SLC5A2: variants seen among roughly 807,000 people sequenced by gnomAD.
SLC5A2 encodes solute carrier family 5 member 2.
In SLC5A2, 67 loss-of-function variants were observed where a neutral mutation model predicts 69.0. That is an observed-to-expected ratio of 0.97 (90% CI 0.80 to 1.19). SLC5A2 has a LOEUF of 1.19. Among genes scored for constraint, SLC5A2 ranks in the 50% most tolerant of loss-of-function variants. The pLI is 0.00. For synonymous variants in SLC5A2, 455 were observed against 395.8 expected (o/e 1.15, Z -1.78); for missense variants, 1,001 against 921.5 (o/e 1.09, Z -1.12).
intron 12 of SLC5A2, chr16:31,489,718 A>G: frequency 2.2e-6 from 1 of 448,620 alleles, no homozygotes; most frequent in Non-Finnish European, 4.1e-6. Context: ...GGGTGAGGAC[A>G]GGACAAGAGA....
At position 31,488,368 on chromosome 16, in the gene SLC5A2, G is replaced by C; in HGVS notation, c.1022-15G>C. On this transcript the variant is annotated splice_polypyrimidine_tract_variant and intron_variant, in intron 8 of 13. Coordinates refer to ENST00000330498, the MANE Select transcript of SLC5A2 (RefSeq NM_003041.4). The stretch of plus-strand genomic sequence containing the variant: ...CAGGCCCCGTCCTAACGGCGCGGTG[G>C]CCTCTCTCTGGCAGACGAGGTGGCG... 1.9e-6 allele frequency: 3 copies of C among 1,610,310 alleles called. No individual in the cohort carries two copies. Among genetic ancestry groups the C allele is most frequent in the Non-Finnish European group, 2.5e-6 (3 of 1,179,550 alleles).
Position 31,489,125 on chromosome 16 carries a change from C to A in SLC5A2, c.1452C>A (p.Gly484=). 6.2e-7 allele frequency: 1 copy of A among 1,608,046 alleles called. No individual in the cohort carries two copies. Residue 484 remains glycine, a splice_region_variant and synonymous_variant, in exon 12 of 14, where the codon GGC becomes GGA. Transcript: ENST00000330498. ...ALFVPRVNEQ[G]AFWGLIGGLL... The stretch of plus-strand genomic sequence containing the variant: ...AGGCTGACCTGTTTCCTTCGCAGGG[C>A]GCCTTCTGGGGACTCATCGGGGGCC...
rs1275551125 is a variant in SLC5A2 at position 31,490,595 on chromosome 16, G to A, written c.*60G>A. The A allele has an allele frequency of 2.1e-6, 3 of 1,410,198 alleles. No individual in the cohort carries two copies. Among genetic ancestry groups the A allele is most frequent in the Non-Finnish European group, 3.0e-6 (3 of 1,012,106 alleles). The allele number at this position is 1,410,198 out of a possible 1,614,324, so 87.4% of individuals were successfully genotyped here. On this transcript the variant is annotated 3_prime_UTR_variant, in exon 14 of 14. Coordinates refer to ENST00000330498, the MANE Select transcript of SLC5A2 (RefSeq NM_003041.4). ...CACAGGAAGTGGGGGTGAGGAGCCTGCGGTGCTCCCCAGAAAAGGGGAAGG... is the reference window on the plus strand; with the variant it reads ...CACAGGAAGTGGGGGTGAGGAGCCTACGGTGCTCCCCAGAAAAGGGGAAGG...
chr16:31,487,673 C>T lies in SLC5A2; in HGVS notation c.799C>T (p.Arg267Trp). ...CCGGCCCGACTCCTACCACCTGCTC[C>T]GGCACCCCGTGACCGGGGATCTGCC... The part of the protein sequence containing the change: ...RPRPDSYHLL[R>W]HPVTGDLPWP... Residue 267 changes from arginine to tryptophan, a missense_variant, in exon 7 of 14, where the codon CGG (arginine) becomes TGG (tryptophan). Physicochemically the swap from Arg to Trp is moderately radical, Grantham distance 101. Coordinates refer to ENST00000330498, the MANE Select transcript of SLC5A2 (RefSeq NM_003041.4). 6.2e-7 allele frequency: 1 copy of T among 1,613,700 alleles called. No individual in the cohort carries two copies. The highest frequency in any genetic ancestry group is 8.5e-7 in the Non-Finnish European group (1 of 1,180,000).
chr16:31,487,217 C>A, intron 5 of SLC5A2, 103 bp from the exon 6 acceptor site: 1 of 1,115,444 alleles, frequency 9.0e-7, no homozygotes, highest in Non-Finnish European at 1.4e-6. Context: ...AATTTATTCT[C>A]CAGGAAGGGG....
At chr16:31,485,552 G>A (rs1017460276) in intron 3 of SLC5A2, 177 bp from the exon 4 acceptor site, 3 of 677,672 alleles carry the variant, frequency 4.4e-6, no homozygotes, top group Non-Finnish European at 7.6e-6. Flanking sequence ...AGCCCAGGAG[G>A]GTGTCAGCTC....
chr16:31,489,143 C>A lies in SLC5A2; in HGVS notation c.1470C>A (p.Ile490=), dbSNP rs1411146402. 5 of 1,609,080 alleles carry A rather than the reference C, an allele frequency of 3.1e-6. No individual in the cohort carries two copies. Among genetic ancestry groups the A allele is most frequent in the Admixed American group, 3.3e-5 (2 of 60,002 alleles). The change falls in exon 12 of 14, where the codon ATC becomes ATA. Residue 490 remains isoleucine, a synonymous_variant. Coordinates refer to ENST00000330498, the MANE Select transcript of SLC5A2 (RefSeq NM_003041.4). ...CGCAGGGCGCCTTCTGGGGACTCATCGGGGGCCTGCTGATGGGCCTGGCAC... is the reference window on the plus strand; with the variant it reads ...CGCAGGGCGCCTTCTGGGGACTCATAGGGGGCCTGCTGATGGGCCTGGCAC... ...VNEQGAFWGL[I]GGLLMGLARL... is the part of the protein sequence containing the mutation.
Position 31,487,407 on chromosome 16 carries a change from G to C in SLC5A2, c.655+7G>C. ...TGCATCCTCATGGGTTACGGTAGGG[G>C]CTCGCCTACCAGGGAGGGGCGCGGA... On this transcript the variant is annotated splice_region_variant and intron_variant, in intron 6 of 13. Coordinates refer to ENST00000330498, the MANE Select transcript of SLC5A2 (RefSeq NM_003041.4). 6.2e-7 allele frequency: 1 copy of C among 1,613,564 alleles called. No homozygotes were observed. The highest frequency in any genetic ancestry group is 1.1e-5 in the South Asian group (1 of 91,074).
In SLC5A2 at chr16:31,490,466, C is replaced by T. The variant is rs766964066; in HGVS notation, c.1950C>T (p.Ala650=). 23 of 1,613,888 alleles carry T rather than the reference C, an allele frequency of 1.4e-5. No homozygotes were observed. The highest frequency in any genetic ancestry group is 1.9e-5 in the Non-Finnish European group (23 of 1,180,022). ...ACATCAGCGAGGACCCGAGCTGGGC[C>T]CGTGTGGTCAACCTCAATGCCCTGC... ...LEDISEDPSW[A]RVVNLNALLM... is the part of the protein sequence containing the mutation. The change falls in exon 14 of 14, where the codon GCC becomes GCT. Residue 650 remains alanine, a synonymous_variant. Transcript: ENST00000330498.
chr16:31,486,839 G>A (rs2082499577), intron 5 of SLC5A2, among the ~76,000 whole-genome samples: 1 of 152,242 alleles, frequency 6.6e-6, no homozygotes. Flanking sequence ...GCGGTCAGGA[G>A]TTTGAGACCA....
At chr16:31,483,981 T>G (rs1275006904) in intron 1 of SLC5A2, among the ~76,000 whole-genome samples, 1 of 152,054 alleles carries the variant, frequency 6.6e-6, no homozygotes, top group Non-Finnish European at 1.5e-5. Context: ...TCACAACTAC[T>G]CGGAGGCCAA....
At position 31,486,241 on chromosome 16, in the gene SLC5A2, G is replaced by A. The variant is rs777650172; in HGVS notation, c.540G>A (p.Ala180=). 3 of 1,613,890 alleles carry A rather than the reference G, an allele frequency of 1.9e-6. No homozygotes were observed. Among genetic ancestry groups the A allele is most frequent in the East Asian group, 2.2e-5 (1 of 44,846 alleles). ...GGAACATCTATGCCTCCGTCATCGCGCTTCTGGGCATCACCATGATTTACA... is the reference window on the plus strand; with the variant it reads ...GGAACATCTATGCCTCCGTCATCGCACTTCTGGGCATCACCATGATTTACA... ...LGWNIYASVI[A]LLGITMIYTV... The change falls in exon 5 of 14, where the codon GCG becomes GCA. Residue 180 remains alanine (A), a synonymous_variant. Coordinates refer to ENST00000330498, the MANE Select transcript of SLC5A2 (RefSeq NM_003041.4).
At position 31,488,943 on chromosome 16, in the gene SLC5A2, G is replaced by GGGC; in HGVS notation, c.1347_1349dup (p.Gly450dup). The GGGC allele has an allele frequency of 1.2e-6, 2 of 1,604,016 alleles. No homozygotes were observed. Among genetic ancestry groups the GGGC allele is most frequent in the Non-Finnish European group, 1.7e-6 (2 of 1,179,868 alleles). On this transcript the variant is annotated inframe_insertion, in exon 11 of 14. Coordinates refer to ENST00000330498, the MANE Select transcript of SLC5A2 (RefSeq NM_003041.4). ...GGCTTCCCGTGGTGCAGGCGGCACA[G>GGGC]GGCGGGCAGCTCTTCGATTACATCC...
chr16:31,488,209 A>T (rs765505102), intron 8 of SLC5A2, 36 bp downstream of exon 8: 82 of 1,613,686 alleles, frequency 5.1e-5, no homozygotes, highest in Non-Finnish European at 6.8e-5. Flanking sequence ...CTGTGCCAGC[A>T]ACCGGGCGCC....
Position 31,487,308 on chromosome 16 carries a change from G to A in SLC5A2, c.575-12G>A. The A allele has an allele frequency of 1.2e-6, 2 of 1,613,728 alleles. No homozygotes were observed. Among genetic ancestry groups the A allele is most frequent in the Non-Finnish European group, 1.7e-6 (2 of 1,179,958 alleles). On this transcript the variant is annotated splice_polypyrimidine_tract_variant and intron_variant, in intron 5 of 13. Coordinates refer to ENST00000330498, the MANE Select transcript of SLC5A2 (RefSeq NM_003041.4). ...AACAGCTGGGCTGTCCCCTGACCCCGGCCTGTTGCAGGAGGGCTGGCCGCG... is the reference window on the plus strand; with the variant it reads ...AACAGCTGGGCTGTCCCCTGACCCCAGCCTGTTGCAGGAGGGCTGGCCGCG...
intron 12 of SLC5A2, chr16:31,489,585 CT>C (rs1306636768): frequency 2.0e-5 from 12 of 588,338 alleles, no homozygotes; most frequent in Non-Finnish European, 3.6e-5. Context: ...TTGGCATGGC[CT>C]TTGGGACTCA....
intron 5 of SLC5A2, among the ~76,000 whole-genome samples, chr16:31,486,712 G>A (rs1005697316): frequency 6.6e-6 from 1 of 152,212 alleles, no homozygotes; most frequent in Non-Finnish European, 1.5e-5. Context: ...ACGGAACTGA[G>A]TATAGGACCT....
At position 31,484,652 on chromosome 16, in the gene SLC5A2, TC is replaced by T. The variant is rs762091893; in HGVS notation, c.127-16del. ...CAAGGCTGTGCCCTAAACCCAGGTCTCCCCCGCCTCTGTCTCCCAGTCCATG... is the reference window on the plus strand; with the variant it reads ...CAAGGCTGTGCCCTAAACCCAGGTCTCCCCGCCTCTGTCTCCCAGTCCATG... On this transcript the variant is annotated intron_variant, in intron 1 of 13. Transcript: ENST00000330498. 15 of 1,602,902 alleles carry T rather than the reference TC, an allele frequency of 9.4e-6. No individual in the cohort carries two copies. The highest frequency in any genetic ancestry group is 1.0e-5 in the Non-Finnish European group (12 of 1,179,694).
chr16:31,490,339 G>A lies in SLC5A2; in HGVS notation c.1823G>A (p.Arg608His), dbSNP rs1249440849. 1.2e-6 allele frequency: 2 copies of A among 1,612,348 alleles called. No individual in the cohort carries two copies. Among genetic ancestry groups the A allele is most frequent in the Non-Finnish European group, 1.7e-6 (2 of 1,179,432 alleles). The change falls in exon 14 of 14, where the codon CGC becomes CAC. Residue 608 changes from arginine (R) to histidine (H), a missense_variant. Arg to His is a conservative substitution (Grantham distance 29). Transcript: ENST00000330498. The part of the protein sequence containing the change: ...EPQAPAPSLF[R>H]QCLLWFCGMS... ...CAGGCCCCGGCACCAAGCCTCTTCC[G>A]CCAGTGCCTGCTCTGGTTTTGTGGA...
Sources: allele counts gnomAD v4.1 joint callset (sites outside exome capture counted in the v4.1 genomes callset), GRCh38; gene constraint gnomAD v4.1.1; transcripts MANE v1.5; gene names NCBI Gene and HGNC (gene_info 2026-07-23, HGNC 2026-07-21).